Variants in MRPL17 observed in about 807,000 individuals in gnomAD.
MRPL17 encodes the protein mitochondrial ribosomal protein L17.
MRPL17 carries 8 observed loss-of-function variants against 12.0 expected under a neutral mutation model. The observed-to-expected ratio is 0.67, with a 90% confidence interval of 0.39 to 1.21. The LOEUF is 1.21. Among genes scored for constraint, MRPL17 ranks in the 50% most tolerant of loss-of-function variants. The pLI is 0.01. For missense variants in MRPL17, 263 were observed against 234.4 expected (o/e 1.12, Z -0.80); for synonymous variants, 107 against 92.9 (o/e 1.15, Z -0.87).
At position 6,681,991 on chromosome 11, in the gene MRPL17, A is replaced by T; in HGVS notation, c.*127T>A. On this transcript the variant is annotated 3_prime_UTR_variant, in exon 3 of 3. Coordinates refer to ENST00000288937, the MANE Select transcript of MRPL17 (RefSeq NM_022061.4). ...AGAGAGGGTCATCTGGCTCCCCAGA[A>T]GGTTCTCAACCCCATCAAGACTGTC... The T allele has an allele frequency of 9.3e-7, 1 of 1,074,110 alleles. No homozygotes were observed. The highest frequency in any genetic ancestry group is 1.3e-6 in the Non-Finnish European group (1 of 760,126). 66.5% of individuals were successfully genotyped at this position (1,074,110 alleles called of 1,614,324 possible). A position where few individuals can be genotyped will look rare whatever the true frequency, so the allele number is the denominator to read the frequency against.
chr11:6,682,660 G>A, intron 2 of MRPL17, 87 bp downstream of exon 2: 1 of 1,350,366 alleles, frequency 7.4e-7, no homozygotes, highest in Non-Finnish European at 1.1e-6. Flanking sequence ...GAGTACCCAA[G>A]TTTAATTCTG....
rs1846569649 is a variant in MRPL17 at position 6,681,965 on chromosome 11, A to G, written c.*153T>C. 1 of 679,448 alleles carries G rather than the reference A, an allele frequency of 1.5e-6. No individual in the cohort carries two copies. The allele number at this position is 679,448 out of a possible 1,614,324, so 42.1% of individuals were successfully genotyped here. On this transcript the variant is annotated 3_prime_UTR_variant, in exon 3 of 3. Coordinates refer to ENST00000288937, the MANE Select transcript of MRPL17 (RefSeq NM_022061.4). ...TATAAAGACTTTTATCTATTGTGCA[A>G]AGAGAGGGTCATCTGGCTCCCCAGA...
Position 6,682,040 on chromosome 11 carries a change from T to C in MRPL17, c.*78A>G. 6.6e-7 allele frequency: 1 copy of C among 1,509,856 alleles called. No individual in the cohort carries two copies. Among genetic ancestry groups the C allele is most frequent in the Non-Finnish European group, 8.9e-7 (1 of 1,122,112 alleles). The allele number at this position is 1,509,856 out of a possible 1,614,324, so 93.5% of individuals were successfully genotyped here. A position where few individuals can be genotyped will look rare whatever the true frequency, so the allele number is the denominator to read the frequency against. ...TCCATTTTACATCTCTAGCTCCAGT[T>C]CTTCTCAGAGAGTAAAAGTGCTCCA... On this transcript the variant is annotated 3_prime_UTR_variant, in exon 3 of 3. Coordinates refer to ENST00000288937, the MANE Select transcript of MRPL17 (RefSeq NM_022061.4).
intron 2 of MRPL17, 108 bp from the exon 3 acceptor site, chr11:6,682,510 C>T: frequency 1.3e-5 from 17 of 1,288,672 alleles, no homozygotes; most frequent in Non-Finnish European, 1.6e-5. Flanking sequence ...GAAAGACCTC[C>T]CCCTCCCCTC....
chr11:6,682,527 C>G, intron 2 of MRPL17, 125 bp from the exon 3 acceptor site: 1 of 1,183,050 alleles, frequency 8.5e-7, no homozygotes, highest in Non-Finnish European at 1.2e-6. Context: ...CCTCGCCAAT[C>G]TGGCATAGTC....
In MRPL17 at chr11:6,680,896, G is replaced by C. The variant is rs141321309; in HGVS notation, c.*1222C>G. 2.0e-5 allele frequency: 3 copies of C among 152,318 alleles called. No homozygotes were observed. The East Asian group carries it at 5.8e-4, about 29-fold the overall frequency. 9.4% of individuals were successfully genotyped at this position (152,318 alleles called of 1,614,324 possible). On this transcript the variant is annotated 3_prime_UTR_variant, in exon 3 of 3. Transcript: ENST00000288937. ...ACCATAGTAGAGAAAAAGAGATAAA[G>C]AGCTCTGTTGGGAGTAGATGAGTAT...
At position 6,682,433 on chromosome 11, in the gene MRPL17, A is replaced by G. The variant is rs374478352; in HGVS notation, c.244-31T>C. On this transcript the variant is annotated intron_variant, in intron 2 of 2. Coordinates refer to ENST00000288937, the MANE Select transcript of MRPL17 (RefSeq NM_022061.4). The stretch of plus-strand genomic sequence containing the variant: ...GGGAGAATTATCCAAGAGACAGCAG[A>G]GTCAGGCAAAACTGCAGAGGCATTT... 2.7e-5 allele frequency: 44 copies of G among 1,600,710 alleles called. No homozygotes were observed. In the African/African-American group the frequency reaches 3.9e-4, roughly 14 times the overall value.
chr11:6,682,410 G>T lies in MRPL17; in HGVS notation c.244-8C>A, dbSNP rs1048917399. ...TGGGATCAAATCCTTCTCCTAGAGG[G>T]AGAATTATCCAAGAGACAGCAGAGT... On this transcript the variant is annotated splice_region_variant and splice_polypyrimidine_tract_variant and intron_variant, in intron 2 of 2. Transcript: ENST00000288937. 7 of 1,611,334 alleles carry T rather than the reference G, an allele frequency of 4.3e-6. No individual in the cohort carries two copies. The East Asian group carries it at 1.6e-4, about 36-fold the overall frequency.
Position 6,683,251 on chromosome 11 carries a change from G to A in MRPL17, c.46C>T (p.Arg16Cys). The change falls in exon 1 of 3, where the codon CGC becomes TGC. Residue 16 changes from arginine to cysteine, a missense_variant. By Grantham distance (180) the Arg-to-Cys change is radical (BLOSUM62 -3). Transcript: ENST00000288937. ...GACTCGGGACCGAGGCCCATACGGC[G>A]AAATACGCGGCCATGGGAGATCGCT... ...AAAISHGRVFRRMGLGPESRI... is the reference protein window; with the variant it reads ...AAAISHGRVFCRMGLGPESRI... 2.5e-6 allele frequency: 4 copies of A among 1,614,078 alleles called. No individual in the cohort carries two copies. Among genetic ancestry groups the A allele is most frequent in the East Asian group, 2.2e-5 (1 of 44,878 alleles).
At chr11:6,682,680 C>T (rs1050037278) in intron 2 of MRPL17, 67 bp downstream of exon 2, 1 of 1,492,926 alleles carries the variant, frequency 6.7e-7, no homozygotes, top group Non-Finnish European at 9.3e-7. Flanking sequence ...GCATAGTTCT[C>T]CTTTTTCCAA....
rs778979499 is a variant in MRPL17, at chr11:6,682,152, T to G, written c.494A>C (p.His165Pro). The G allele has an allele frequency of 1.2e-6, 2 of 1,613,932 alleles. No homozygotes were observed. The highest frequency in any genetic ancestry group is 4.5e-5 in the East Asian group (2 of 44,878). ...TGGTGTTTGAGCTGTGTGGGAGCTG[T>G]GGTTGCTTGCTTCCTGGCTTTGCCT... ...DLRQSQEASN[H>P]SSHTAQTPGI The change falls in exon 3 of 3, where the codon CAC becomes CCC. Residue 165 changes from histidine to proline, a missense_variant. His to Pro is a moderately conservative substitution (Grantham distance 77, BLOSUM62 -2). Coordinates refer to ENST00000288937, the MANE Select transcript of MRPL17 (RefSeq NM_022061.4).
At chr11:6,682,600 C>A in intron 2 of MRPL17, 147 bp downstream of exon 2, 1 of 969,254 alleles carries the variant, frequency 1.0e-6, no homozygotes, top group South Asian at 1.4e-5. Context: ...TCGACTTCAA[C>A]TAACTTAAGA....
chr11:6,682,536 T>C (rs1055504881), intron 2 of MRPL17, 134 bp from the exon 3 acceptor site: 45 of 1,127,336 alleles, frequency 4.0e-5, no homozygotes, highest in African/African-American at 2.5e-4. Context: ...TCTGGCATAG[T>C]CAGTGTTACA....
rs773929337 is a variant in MRPL17, at chr11:6,682,104, C to G, written c.*14G>C. 9.4e-6 allele frequency: 15 copies of G among 1,599,460 alleles called. No homozygotes were observed. The East Asian group carries it at 3.1e-4, about 34-fold the overall frequency. ...ATGGGTACTGATTAAGGGCTGCAGA[C>G]TCTTCAGATCCAGTTAAATCCCTGG... On this transcript the variant is annotated 3_prime_UTR_variant, in exon 3 of 3. Coordinates refer to ENST00000288937, the MANE Select transcript of MRPL17 (RefSeq NM_022061.4).
Position 6,682,814 on chromosome 11 carries a change from A to G in MRPL17, c.176T>C (p.Leu59Pro), listed in dbSNP as rs201914367. The change falls in exon 2 of 3, where the codon CTC becomes CCC. Residue 59 changes from leucine to proline, a missense_variant and splice_region_variant. Leu to Pro is a moderately conservative substitution (Grantham distance 98). Coordinates refer to ENST00000288937, the MANE Select transcript of MRPL17 (RefSeq NM_022061.4). ...GTCTCCCAGCTTCCCATAGTCGATG[A>G]GCTGTGAGGACATAACATCACGGAT... is the stretch of plus-strand genomic sequence containing the variant. ...VDEMRGYAEK[L>P]IDYGKLGDTN... 2.5e-5 allele frequency: 41 copies of G among 1,613,528 alleles called. No homozygotes were observed. In the Admixed American group the frequency reaches 3.3e-4, roughly 13 times the overall value.
rs778970200 is a variant in MRPL17, at chr11:6,683,302, C to T, written c.-6G>A. 3.1e-6 allele frequency: 5 copies of T among 1,607,678 alleles called. No homozygotes were observed. In the African/African-American group the frequency reaches 5.3e-5, roughly 17 times the overall value. Reference sequence around the variant, plus strand: ...GCAGCGACCGACAGCCGCATGTTTCCAACTTCTGCCCGCCCCTTGGAGGCC... The same window carrying T: ...GCAGCGACCGACAGCCGCATGTTTCTAACTTCTGCCCGCCCCTTGGAGGCC... On this transcript the variant is annotated 5_prime_UTR_variant, in exon 1 of 3. Coordinates refer to ENST00000288937, the MANE Select transcript of MRPL17 (RefSeq NM_022061.4).
Position 6,680,612 on chromosome 11 carries a change from G to C in MRPL17, c.*1506C>G, listed in dbSNP as rs1846554273. ...AGTCCCAAAGGGAGATATATTTCTG[G>C]GGTCTAAGAGGAAAAGCTACAGGAG... On this transcript the variant is annotated 3_prime_UTR_variant, in exon 3 of 3. Coordinates refer to ENST00000288937, the MANE Select transcript of MRPL17 (RefSeq NM_022061.4). Among the ~76,000 whole-genome samples the C allele has an allele frequency of 6.6e-6, 1 of 152,146 alleles. No homozygotes were observed. The highest frequency in any genetic ancestry group is 1.5e-5 in the Non-Finnish European group (1 of 68,030).
rs1293747522 is a variant in MRPL17 at position 6,680,769 on chromosome 11, T to C, written c.*1349A>G. ...GCTAAGACAGAAGAGGGGTATATTT[T>C]TTAGCAGAAGCAGAGTTGTAGCTTT... On this transcript the variant is annotated 3_prime_UTR_variant, in exon 3 of 3. Transcript: ENST00000288937. 1 of 152,230 alleles carries C rather than the reference T, an allele frequency of 6.6e-6. No individual in the cohort carries two copies. Among genetic ancestry groups the C allele is most frequent in the Non-Finnish European group, 1.5e-5 (1 of 68,036 alleles). The allele number at this position is 152,230 out of a possible 1,614,324, so 9.4% of individuals were successfully genotyped here. A position where few individuals can be genotyped will look rare whatever the true frequency, so the allele number is the denominator to read the frequency against.
chr11:6,682,543 TAC>T, intron 2 of MRPL17, 141 bp from the exon 3 acceptor site: 1 of 1,087,674 alleles, frequency 9.2e-7, no homozygotes, highest in Non-Finnish European at 1.3e-6. Context: ...TAGTCAGTGT[TAC>T]ACAAAGGGGT....
Sources: gnomAD v4.1 joint callset for allele counts (sites outside exome capture counted in the v4.1 genomes callset) on GRCh38, gnomAD v4.1.1 for gene constraint, MANE v1.5 for transcripts, NCBI Gene and HGNC (gene_info 2026-07-23, HGNC 2026-07-21) for gene names.